TBC1D32: variants seen among roughly 807,000 people sequenced by gnomAD.
TBC1D32 encodes protein broad-minded.
Under a neutral mutation model 170.3 loss-of-function variants are expected in TBC1D32, and 151 were observed. The observed-to-expected ratio is 0.89, with a 90% CI of 0.78 to 1.01. The LOEUF (loss-of-function observed/expected upper bound fraction) is 1.01, where lower values mean the gene tolerates loss of function less well. Ranked by LOEUF, TBC1D32 falls within the 50% of genes least tolerant of loss-of-function variation. The pLI is 0.00. For synonymous variants in TBC1D32, 498 were observed against 488.0 expected (o/e 1.02, Z -0.27); for missense variants, 1,464 against 1,457.1 (o/e 1.00, Z -0.08).
At chr6:121,208,116 A>T (rs1251675969) in intron 21 of TBC1D32, among the ~76,000 whole-genome samples, 1 of 152,058 alleles carries the variant, frequency 6.6e-6, no homozygotes, top group East Asian at 1.9e-4. Flanking sequence ...ACCAAAAAAA[A>T]AAAAAGATAT....
intron 20 of TBC1D32, chr6:121,224,252 AAT>A (rs1794830385): frequency 6.6e-6 from 1 of 152,176 alleles, no homozygotes; most frequent in Non-Finnish European, 1.5e-5. Flanking sequence ...ATGCTTTCAA[AAT>A]ATGTCACATC....
rs1421356186 is a variant in TBC1D32, at chr6:121,106,094, C to A, written c.3394G>T (p.Glu1132Ter). The A allele has an allele frequency of 6.2e-7, 1 of 1,608,180 alleles. No individual in the cohort carries two copies. Among genetic ancestry groups the A allele is most frequent in the Admixed American group, 1.7e-5 (1 of 59,882 alleles). Reference protein sequence around the residue: ...PVYFCSTHYIEMLLKAELPLV... With the variant: ...PVYFCSTHYI ...GGCAACTCAGCCTTCAGTAGCATTTCAATATAATGGGTGCTGCAAAAATAT... is the reference window on the plus strand; with the variant it reads ...GGCAACTCAGCCTTCAGTAGCATTTAAATATAATGGGTGCTGCAAAAATAT... Residue 1132 changes from glutamate (E) to a stop codon, truncating the protein, a stop_gained, in exon 30 of 32, where the codon GAA becomes TAA. Transcript: ENST00000398212. LOFTEE classifies it high-confidence loss of function.
intron 26 of TBC1D32, among the ~76,000 whole-genome samples, chr6:121,122,037 T>C (rs2128207791): frequency 6.6e-6 from 1 of 152,030 alleles, no homozygotes; most frequent in South Asian, 2.1e-4. Context: ...GCACCTAATC[T>C]CCCCTTCCTT....
At chr6:121,325,553 G>A (rs1226994145) in intron 1 of TBC1D32, among the ~76,000 whole-genome samples, 1 of 152,116 alleles carries the variant, frequency 6.6e-6, no homozygotes. Flanking sequence ...AATGGTGTTG[G>A]GAAAACTGGC....
intron 3 of TBC1D32, among the ~76,000 whole-genome samples, chr6:121,314,386 T>C (rs1414156550): frequency 6.6e-6 from 1 of 152,312 alleles, no homozygotes; most frequent in East Asian, 1.9e-4. Context: ...TCATGTGACA[T>C]GTTCACAAGT....
At chr6:121,193,314 T>C (rs1034515623) in intron 22 of TBC1D32, among the ~76,000 whole-genome samples, 1 of 152,184 alleles carries the variant, frequency 6.6e-6, no homozygotes, top group African/African-American at 2.4e-5. Flanking sequence ...TGATCTCCTT[T>C]GGTTTAACAT....
intron 15 of TBC1D32, among the ~76,000 whole-genome samples, chr6:121,270,480 C>T (rs925957070): frequency 6.6e-6 from 1 of 152,110 alleles, no homozygotes. Flanking sequence ...ATACTATAAA[C>T]ACCTCTACGC....
chr6:121,293,536 G>A (rs1295629160), intron 11 of TBC1D32, among the ~76,000 whole-genome samples: 1 of 152,130 alleles, frequency 6.6e-6, no homozygotes, highest in Non-Finnish European at 1.5e-5. Flanking sequence ...AACAATAAAA[G>A]CTATCAGGTT....
At chr6:121,132,662 G>A (rs1477648385) in intron 24 of TBC1D32, among the ~76,000 whole-genome samples, 4 of 151,934 alleles carry the variant, frequency 2.6e-5, no homozygotes, top group African/African-American at 9.7e-5. Context: ...GATGGAGGTA[G>A]AGATTTTCTG....
intron 20 of TBC1D32, among the ~76,000 whole-genome samples, chr6:121,233,468 CTT>C (rs1756030317): frequency 6.6e-6 from 1 of 152,036 alleles, no homozygotes; most frequent in African/African-American, 2.4e-5. Flanking sequence ...TAATATCCTT[CTT>C]TGTCTTTTTA....
chr6:121,305,369 A>C (rs1047345243), intron 5 of TBC1D32, among the ~76,000 whole-genome samples: 1 of 152,074 alleles, frequency 6.6e-6, no homozygotes, highest in Non-Finnish European at 1.5e-5. Flanking sequence ...AAGTGGCAAC[A>C]GATGTAGTTA....
chr6:121,192,053 A>ATATATATATATATATATATATAT lies in TBC1D32; in HGVS notation c.2570+13021_2570+13022insATATATATATATATATATATATA, dbSNP rs1158179800. Among the ~76,000 whole-genome samples, 30 of 59,638 alleles carry ATATATATATATATATATATATAT rather than the reference A, an allele frequency of 5.0e-4. 1 individual carries two copies. The highest frequency in any genetic ancestry group is 1.1e-3 in the Non-Finnish European group (25 of 23,060). 39.1% of individuals were successfully genotyped at this position (59,638 alleles called of 152,430 possible). On this transcript the variant is annotated intron_variant, in intron 22 of 31. Coordinates refer to ENST00000398212, the MANE Select transcript of TBC1D32 (RefSeq NM_152730.6). ...CTTGTGATCATGTAAGTTAATACTT[A>ATATATATATATATATATATATAT]ATAAACTACCCTTTATATATATATA...
intron 26 of TBC1D32, among the ~76,000 whole-genome samples, chr6:121,120,936 A>T (rs1041091259): frequency 2.0e-5 from 3 of 152,020 alleles, no homozygotes; most frequent in Admixed American, 1.3e-4. Flanking sequence ...GTAAATAAAT[A>T]TAGGGTCATC....
chr6:121,118,887 G>A (rs1166684450), intron 26 of TBC1D32, among the ~76,000 whole-genome samples: 1 of 152,114 alleles, frequency 6.6e-6, no homozygotes, highest in South Asian at 2.1e-4. Context: ...CCAGTCTACT[G>A]TACATGTCTC....
chr6:121,267,544 T>A (rs1159854643), intron 15 of TBC1D32, among the ~76,000 whole-genome samples: 1 of 152,076 alleles, frequency 6.6e-6, no homozygotes, highest in Non-Finnish European at 1.5e-5. Context: ...GAGATCAAAC[T>A]GCAAGGTGAC....
At chr6:121,128,602 G>A (rs2128214700) in intron 25 of TBC1D32, among the ~76,000 whole-genome samples, 1 of 152,258 alleles carries the variant, frequency 6.6e-6, no homozygotes, top group South Asian at 2.1e-4. Context: ...AATTTCTATA[G>A]AGGGTTTTAA....
At chr6:121,133,753 A>T (rs1781707516) in intron 24 of TBC1D32, among the ~76,000 whole-genome samples, 1 of 152,080 alleles carries the variant, frequency 6.6e-6, no homozygotes, top group South Asian at 2.1e-4. Flanking sequence ...TAAAGCAAAA[A>T]GCTCTTTTGT....
intron 24 of TBC1D32, among the ~76,000 whole-genome samples, chr6:121,154,205 T>G (rs1246267865): frequency 6.6e-6 from 1 of 152,122 alleles, no homozygotes; most frequent in Non-Finnish European, 1.5e-5. Context: ...GCACCGTCCC[T>G]CATGGCACAG....
Position 121,123,201 on chromosome 6 carries a change from A to G in TBC1D32, c.2983+3177T>C, listed in dbSNP as rs1200422627. On this transcript the variant is annotated intron_variant, in intron 26 of 31. Coordinates refer to ENST00000398212, the MANE Select transcript of TBC1D32 (RefSeq NM_152730.6). ...CATATGGGCTTTACTGTGTTGAGGTATGTTCCTTCTATACCCAATTTGTTA... is the reference window on the plus strand; with the variant it reads ...CATATGGGCTTTACTGTGTTGAGGTGTGTTCCTTCTATACCCAATTTGTTA... 2.6e-5 allele frequency among the ~76,000 whole-genome samples: 4 copies of G among 151,896 alleles called. No individual in the cohort carries two copies. In the East Asian group the frequency reaches 7.7e-4, roughly 29 times the overall value.
Sources: gnomAD v4.1 joint callset for allele counts (sites outside exome capture counted in the v4.1 genomes callset) on GRCh38, gnomAD v4.1.1 for gene constraint, MANE v1.5 for transcripts, NCBI Gene and HGNC (gene_info 2026-07-23, HGNC 2026-07-21) for gene names.